The following RIMS3 variants were observed in gnomAD, a reference collection of about 807,000 sequenced individuals.
RIMS3 encodes the protein regulating synaptic membrane exocytosis 3.
A neutral mutation model predicts 29.2 loss-of-function variants in RIMS3; 15 were observed. The ratio of observed to expected loss-of-function variants is 0.51; its 90% CI spans 0.34 to 0.79. RIMS3 has a LOEUF of 0.79. Ranked by LOEUF, RIMS3 falls within the 30% of genes least tolerant of loss-of-function variation. The pLI is 0.01. For synonymous variants in RIMS3, 161 were observed against 170.1 expected, an observed-to-expected ratio of 0.95 and a Z score of 0.41; for missense variants, 342 against 421.4, an observed-to-expected ratio of 0.81 and a Z score of 1.65.
At chr1:40,634,387 A>G (rs1646507340) in intron 4 of RIMS3, among the ~76,000 whole-genome samples, 1 of 152,200 alleles carries the variant, frequency 6.6e-6, no homozygotes, top group South Asian at 2.1e-4. Flanking sequence ...GCCTAATATC[A>G]CATTCTTAGG....
At chr1:40,670,605 T>TATATATATATATATATATAC (rs1243765709), upstream of RIMS3, among the ~76,000 whole-genome samples, 1 of 137,654 alleles carries the variant, frequency 7.3e-6, no homozygotes, top group African/African-American at 2.8e-5. Context: ...TATATATATA[T>TATATATATATATATATATAC]ATATTTGAGA....
At chr1:40,691,621 C>A in the RIMS3 span, 20 of 400,484 alleles carry the variant, frequency 5.0e-5, no homozygotes, top group Non-Finnish European at 1.0e-4. Flanking sequence ...TCTCGCGAGA[C>A]CTCAAGGAGC....
the RIMS3 span, among the ~76,000 whole-genome samples, chr1:40,673,047 G>A: frequency 6.6e-6 from 1 of 152,228 alleles, no homozygotes; most frequent in African/African-American, 2.4e-5. Flanking sequence ...GAGCGTGGTG[G>A]CAGGTGCCTG....
intron 2 of RIMS3, among the ~76,000 whole-genome samples, chr1:40,645,775 C>T (rs988024282): frequency 2.0e-5 from 3 of 152,156 alleles, no homozygotes; most frequent in Admixed American, 6.5e-5. Context: ...CCCAGGGGCT[C>T]ATGTTTCCTC....
the RIMS3 span, chr1:40,692,029 C>T: frequency 1.0e-5 from 2 of 196,814 alleles, no homozygotes; most frequent in East Asian, 1.9e-4. Context: ...TTGCCTGGCC[C>T]GCTGCTGTCG....
the RIMS3 span, among the ~76,000 whole-genome samples, chr1:40,686,481 C>A: frequency 6.6e-6 from 1 of 151,964 alleles, no homozygotes; most frequent in Non-Finnish European, 1.5e-5. Context: ...TGAAACCCAC[C>A]GTTTCTACTA....
chr1:40,679,171 G>T, the RIMS3 span, among the ~76,000 whole-genome samples: 49 of 152,196 alleles, frequency 3.2e-4, no homozygotes, highest in Non-Finnish European at 6.3e-4. Flanking sequence ...GCTGGAGCCT[G>T]GCAAGGAACC....
At chr1:40,686,040 T>C in the RIMS3 span, among the ~76,000 whole-genome samples, 1 of 151,952 alleles carries the variant, frequency 6.6e-6, no homozygotes, top group Non-Finnish European at 1.5e-5. Flanking sequence ...TCCCAGCTAC[T>C]TGGGAGGCTA....
rs1016497489 is a variant in RIMS3 at position 40,623,316 on chromosome 1, C to A, written c.*3201G>T. ...CCCCTTGTCAAACCAAGACTTGGCT[C>A]CATTTACTGGAGCCTTTTTCATACC... On this transcript the variant is annotated 3_prime_UTR_variant, in exon 8 of 8. Transcript: ENST00000372684. 2.3e-5 allele frequency: 9 copies of A among 398,176 alleles called. No homozygotes were observed. The highest frequency in any genetic ancestry group is 3.5e-5 in the Non-Finnish European group (8 of 226,010). The allele number at this position is 398,176 out of a possible 1,614,324, so 24.7% of individuals were successfully genotyped here. A position where few individuals can be genotyped will look rare whatever the true frequency, so the allele number is the denominator to read the frequency against.
chr1:40,680,752 T>C, the RIMS3 span, among the ~76,000 whole-genome samples: 2 of 152,342 alleles, frequency 1.3e-5, no homozygotes, highest in Admixed American at 6.5e-5. Context: ...AAATTTTCAA[T>C]TCCATTCCAT....
At chr1:40,660,777 C>A (rs1192357001) in intron 1 of RIMS3, among the ~76,000 whole-genome samples, 1 of 151,484 alleles carries the variant, frequency 6.6e-6, no homozygotes, top group African/African-American at 2.4e-5. Context: ...AGGGAGGGGG[C>A]AAAAAGGTGG....
chr1:40,686,168 T>C, the RIMS3 span, among the ~76,000 whole-genome samples: 4 of 150,912 alleles, frequency 2.7e-5, no homozygotes, highest in African/African-American at 9.8e-5. Context: ...AAAAGTAGAG[T>C]GCCATTACCA....
chr1:40,689,216 G>A, the RIMS3 span, among the ~76,000 whole-genome samples: 3 of 152,168 alleles, frequency 2.0e-5, no homozygotes, highest in Non-Finnish European at 4.4e-5. Flanking sequence ...TTGTGTCAGA[G>A]GAAAGATAAT....
rs147223090 is a variant in RIMS3, at chr1:40,661,243, T to G, written c.-207+4151A>C. 6.3e-4 allele frequency among the ~76,000 whole-genome samples: 96 copies of G among 152,192 alleles called. No homozygotes were observed. In the East Asian group the frequency reaches 0.015, roughly 24 times the overall value. ...TCATAGGACTGTTTAAAGATGAGCA[T>G]GTAAAGCGATGGGCAGAGAACTAGC... On this transcript the variant is annotated intron_variant, in intron 1 of 7. Transcript: ENST00000372684.
At chr1:40,677,186 G>T in the RIMS3 span, among the ~76,000 whole-genome samples, 2 of 151,680 alleles carry the variant, frequency 1.3e-5, no homozygotes, top group Non-Finnish European at 2.9e-5. Context: ...ATTATTTTTA[G>T]TAGAAATGGG....
intron 1 of RIMS3, among the ~76,000 whole-genome samples, chr1:40,658,144 A>G (rs1396554845): frequency 6.6e-6 from 1 of 152,176 alleles, no homozygotes; most frequent in Non-Finnish European, 1.5e-5. Context: ...CACTGATGAA[A>G]AGAGTTACAT....
rs1254382040 is a variant in RIMS3 at position 40,636,350 on chromosome 1, C to T, written c.218-293G>A. Among the ~76,000 whole-genome samples, 4 of 152,148 alleles carry T rather than the reference C, an allele frequency of 2.6e-5. No homozygotes were observed. Among genetic ancestry groups the T allele is most frequent in the African/African-American group, 9.7e-5 (4 of 41,434 alleles). On this transcript the variant is annotated intron_variant, in intron 3 of 7. Transcript: ENST00000372684. This position sits in a 1 kb window ranked among gnomAD's most constrained non-coding sequence, Gnocchi z 4.2. ...GCCGCAGATCCGCAGCTGGGGCCCT[C>T]GCCTCACCCTCATCAGGCTCCCCTG...
chr1:40,646,139 T>C (rs553506072), intron 2 of RIMS3, among the ~76,000 whole-genome samples: 3 of 152,334 alleles, frequency 2.0e-5, no homozygotes, highest in South Asian at 2.1e-4. Context: ...TCAGGTTAAG[T>C]AATCTCTAAA....
the RIMS3 span, among the ~76,000 whole-genome samples, chr1:40,675,568 GCAAA>G: frequency 6.6e-5 from 10 of 152,038 alleles, no homozygotes; most frequent in Admixed American, 6.6e-4. Flanking sequence ...GACCAGCCTG[GCAAA>G]CATGGTGAAA....
Sources: allele counts gnomAD v4.1 joint callset (sites outside exome capture counted in the v4.1 genomes callset), GRCh38; gene constraint gnomAD v4.1.1; non-coding constraint Gnocchi (gnomAD v3.1); transcripts MANE v1.5; gene names NCBI Gene and HGNC (gene_info 2026-07-23, HGNC 2026-07-21).